DLG2: variants seen among roughly 807,000 people sequenced by gnomAD.
The protein encoded by DLG2 is discs large MAGUK scaffold protein 2, also known as disks large homolog 2.
DLG2 carries 45 observed loss-of-function variants against 132.5 expected under a neutral mutation model. The ratio of observed to expected loss-of-function variants is 0.34; its 90% CI spans 0.27 to 0.44. The LOEUF (loss-of-function observed/expected upper bound fraction) is 0.44. DLG2 is among the 20% of genes least tolerant of loss of function. The pLI is 1.00. For missense variants in DLG2, 1,045 were observed against 1,196.9 expected, an observed-to-expected ratio of 0.87 and a Z score of 1.87; for synonymous variants, 424 against 419.6, an observed-to-expected ratio of 1.01 and a Z score of -0.13.
intron 10 of DLG2, among the ~76,000 whole-genome samples, chr11:84,061,795 T>C (rs1335583921): frequency 6.7e-6 from 1 of 150,314 alleles, no homozygotes; most frequent in South Asian, 2.1e-4. Context: ...TGTCATTTCA[T>C]CATAACAGAT....
intron 11 of DLG2, among the ~76,000 whole-genome samples, chr11:84,053,310 G>C (rs2096435701): frequency 6.6e-6 from 1 of 151,898 alleles, no homozygotes; most frequent in South Asian, 2.1e-4. Context: ...AGGAAGAATA[G>C]CTGTTGGATG....
chr11:84,198,301 T>A (rs186702290), intron 8 of DLG2, among the ~76,000 whole-genome samples: 3 of 152,270 alleles, frequency 2.0e-5, no homozygotes, highest in African/African-American at 7.2e-5. Context: ...ACCATAATAC[T>A]TTCACCACAA....
At chr11:85,154,711 T>G (rs2077482193) in intron 4 of DLG2, 60 bp from the exon 5 acceptor site, 1 of 832,200 alleles carries the variant, frequency 1.2e-6, no homozygotes, top group Non-Finnish European at 1.9e-6. Context: ...GTATATTGTT[T>G]TCAAACTTTG....
intron 6 of DLG2, among the ~76,000 whole-genome samples, chr11:85,081,139 A>C (rs778833943): frequency 3.9e-5 from 6 of 152,160 alleles, no homozygotes; most frequent in Non-Finnish European, 8.8e-5. Flanking sequence ...AAAGGAAAAA[A>C]TAAAGACCCT....
intron 6 of DLG2, among the ~76,000 whole-genome samples, chr11:84,840,245 A>T (rs1346418500): frequency 6.6e-6 from 1 of 152,180 alleles, no homozygotes; most frequent in Non-Finnish European, 1.5e-5. Flanking sequence ...AAAAATGCTC[A>T]TCATTACTGG....
intron 6 of DLG2, among the ~76,000 whole-genome samples, chr11:84,892,733 TG>T (rs757275769): frequency 2.6e-5 from 4 of 152,080 alleles, no homozygotes; most frequent in Non-Finnish European, 5.9e-5. Flanking sequence ...CCTTTTTCTG[TG>T]ATATCCGTTT....
rs149473202 is a variant in DLG2, at chr11:83,456,008, G to A, written c.*3810C>T. On this transcript the variant is annotated 3_prime_UTR_variant, in exon 28 of 28. Coordinates refer to ENST00000376104, the MANE Select transcript of DLG2 (RefSeq NM_001142699.3). ...AGTCTCACCAGAGCAATCACCAGCT[G>A]AAAAGCAGAGGGGGCTTCACATAAA... The A allele has an allele frequency of 2.8e-3, 430 of 152,726 alleles. No homozygotes were observed. Among genetic ancestry groups the A allele is most frequent in the Non-Finnish European group, 4.0e-3 (275 of 68,060 alleles). 9.5% of individuals were successfully genotyped at this position (152,726 alleles called of 1,614,324 possible). A position where few individuals can be genotyped will look rare whatever the true frequency, so the allele number is the denominator to read the frequency against.
intron 11 of DLG2, among the ~76,000 whole-genome samples, chr11:84,030,868 G>C (rs934670628): frequency 6.6e-6 from 1 of 152,080 alleles, no homozygotes; most frequent in African/African-American, 2.4e-5. Flanking sequence ...AACTGACAAG[G>C]GGTGCTCATT....
At chr11:85,466,093 A>C (rs897756527) in intron 3 of DLG2, among the ~76,000 whole-genome samples, 3 of 152,232 alleles carry the variant, frequency 2.0e-5, no homozygotes, top group Admixed American at 6.5e-5. Flanking sequence ...TTTTGACTAC[A>C]TAAATGTCTT....
chr11:84,440,127 C>T (rs2099013163), intron 7 of DLG2, among the ~76,000 whole-genome samples: 1 of 152,144 alleles, frequency 6.6e-6, no homozygotes, highest in African/African-American at 2.4e-5. Context: ...ACACACCTGA[C>T]CAAGAGGCTT....
chr11:85,308,076 C>T (rs900916480), intron 3 of DLG2, among the ~76,000 whole-genome samples: 2 of 151,716 alleles, frequency 1.3e-5, no homozygotes, highest in African/African-American at 4.8e-5. Context: ...ATCGCTTGAT[C>T]CCAGGAGGCA....
At chr11:83,495,757 G>A (rs912300490) in intron 21 of DLG2, among the ~76,000 whole-genome samples, 2 of 152,086 alleles carry the variant, frequency 1.3e-5, no homozygotes, top group South Asian at 2.1e-4. Flanking sequence ...AGCTAAAACT[G>A]CTTCAACAAA....
intron 16 of DLG2, among the ~76,000 whole-genome samples, chr11:83,861,548 G>A (rs1192754801): frequency 2.6e-5 from 4 of 152,130 alleles, no homozygotes; most frequent in African/African-American, 9.7e-5. Flanking sequence ...CAAAAAGAAT[G>A]AGAATCCAGT....
At chr11:85,622,905 A>G (rs2081819724) in intron 2 of DLG2, among the ~76,000 whole-genome samples, 1 of 152,030 alleles carries the variant, frequency 6.6e-6, no homozygotes, top group Non-Finnish European at 1.5e-5. Context: ...TAAAAATACA[A>G]AAATTAGCCA....
intron 6 of DLG2, among the ~76,000 whole-genome samples, chr11:84,991,650 G>A (rs988619397): frequency 3.9e-5 from 6 of 152,098 alleles, no homozygotes; most frequent in Non-Finnish European, 8.8e-5. Flanking sequence ...TCATTTAGGT[G>A]ATGAAAATGT....
intron 3 of DLG2, among the ~76,000 whole-genome samples, chr11:85,436,310 C>A (rs2091476211): frequency 6.6e-6 from 1 of 151,896 alleles, no homozygotes; most frequent in South Asian, 2.1e-4. Context: ...ATTGACAAAT[C>A]AGTCCTAATT....
intron 18 of DLG2, among the ~76,000 whole-genome samples, chr11:83,681,137 A>G (rs2078719774): frequency 6.6e-6 from 1 of 152,194 alleles, no homozygotes; most frequent in Admixed American, 6.5e-5. Context: ...TCCATATATA[A>G]TATGCCATAT....
At chr11:84,367,807 G>A (rs1365399313) in intron 7 of DLG2, among the ~76,000 whole-genome samples, 2 of 151,994 alleles carry the variant, frequency 1.3e-5, no homozygotes, top group African/African-American at 2.4e-5. Context: ...GGACCTTAAC[G>A]AATAAATTTA....
chr11:85,483,200 C>G (rs892954080), intron 3 of DLG2, among the ~76,000 whole-genome samples: 16 of 152,016 alleles, frequency 1.1e-4, no homozygotes, highest in African/African-American at 3.9e-4. Flanking sequence ...CACGAGGATC[C>G]TTATTAGTGA....
Sources: gnomAD v4.1 joint callset for allele counts (sites outside exome capture counted in the v4.1 genomes callset) on GRCh38, gnomAD v4.1.1 for gene constraint, MANE v1.5 for transcripts, NCBI Gene and HGNC (gene_info 2026-07-23, HGNC 2026-07-21) for gene names.